DMD: variants seen among roughly 807,000 people sequenced by gnomAD.
The protein encoded by DMD is mutant dystrophin.
Under a neutral mutation model 330.1 loss-of-function variants are expected in DMD, and 63 were observed. The observed-to-expected ratio is 0.19, with a 90% CI of 0.16 to 0.24. DMD has a LOEUF of 0.24. Among genes scored for constraint, DMD ranks in the 10% least tolerant of loss-of-function variants. The pLI, the probability that DMD is intolerant of heterozygous loss-of-function variation, is 1.00. For missense variants in DMD, 3,344 were observed against 2,684.1 expected (o/e 1.25, Z -5.43); for synonymous variants, 1,223 against 959.8 (o/e 1.27, Z -5.07).
At chrX:32,968,080 G>A (rs2092235264) in intron 2 of DMD, among the ~76,000 whole-genome samples, 1 of 111,778 alleles carries the variant, frequency 8.9e-6, no homozygotes, top group Non-Finnish European at 1.9e-5. Context: ...TTTTAGGCAT[G>A]GAGTATAGTC....
At chrX:32,386,193 G>T in intron 33 of DMD, 117 bp downstream of exon 33, 1 of 705,145 alleles carries the variant, frequency 1.4e-6, no homozygotes, top group Non-Finnish European at 2.2e-6. Flanking sequence ...CATATACATA[G>T]AGAGAGAGAG....
chrX:31,547,815 T>C (rs1003225331), intron 55 of DMD, among the ~76,000 whole-genome samples: 2 of 112,198 alleles, frequency 1.8e-5, no homozygotes, highest in South Asian at 3.7e-4. Context: ...AATGAAACCA[T>C]ACTCAAAAGT....
At chrX:33,062,126 G>A (rs1378847933) in intron 1 of DMD, among the ~76,000 whole-genome samples, 1 of 111,967 alleles carries the variant, frequency 8.9e-6, no homozygotes, top group Non-Finnish European at 1.9e-5. Flanking sequence ...CACATTTTCA[G>A]TATTGAATAA....
chrX:31,414,381 A>AT (rs1376386929), intron 60 of DMD, among the ~76,000 whole-genome samples: 1 of 112,228 alleles, frequency 8.9e-6, no homozygotes, highest in Non-Finnish European at 1.9e-5. Flanking sequence ...CTCGAAACAT[A>AT]TGGGGGGAAA....
At chrX:33,304,732 C>G (rs1467173774) in intron 1 of DMD, among the ~76,000 whole-genome samples, 1 of 100,516 alleles carries the variant, frequency 9.9e-6, no homozygotes, top group South Asian at 5.0e-4. Flanking sequence ...AAAAAACAAA[C>G]AACCCCATCA....
rs139308663 is a variant in DMD at position 31,177,498 on chromosome X, C to G, written c.10262+434G>C. ...AATTCTGCTGATTTTTAATAGTCCA[C>G]TTATAACAGACCCTAAAGATTCTAA... On this transcript the variant is annotated intron_variant, in intron 71 of 78. Coordinates refer to ENST00000357033, the MANE Select transcript of DMD (RefSeq NM_004006.3). Among the ~76,000 whole-genome samples the G allele has an allele frequency of 8.8e-4, 98 of 111,761 alleles. 1 individual carries two copies. The East Asian group carries it at 0.024, about 27-fold the overall frequency.
chrX:33,107,093 C>A (rs1443639223), intron 1 of DMD, among the ~76,000 whole-genome samples: 1 of 111,804 alleles, frequency 8.9e-6, no homozygotes, highest in Non-Finnish European at 1.9e-5. Flanking sequence ...GGGCGGATCA[C>A]CTGAGGTCAG....
At chrX:31,230,170 C>T (rs968767854) in intron 63 of DMD, among the ~76,000 whole-genome samples, 5 of 112,002 alleles carry the variant, frequency 4.5e-5, no homozygotes, top group Admixed American at 9.5e-5. Context: ...TCATCATCAA[C>T]ATAGAGCTTT....
chrX:32,382,474 A>T (rs1434235208), intron 33 of DMD, among the ~76,000 whole-genome samples: 1 of 111,796 alleles, frequency 8.9e-6, no homozygotes, highest in African/African-American at 3.2e-5. Flanking sequence ...GCTACAATCG[A>T]AATAAATATT....
At chrX:32,673,037 G>A (rs2061727920) in intron 9 of DMD, among the ~76,000 whole-genome samples, 1 of 111,455 alleles carries the variant, frequency 9.0e-6, no homozygotes, top group South Asian at 3.7e-4. Context: ...CTGTATGTGT[G>A]TGTATGTGTA....
At chrX:32,894,204 C>T (rs894234898) in intron 2 of DMD, among the ~76,000 whole-genome samples, 2 of 111,999 alleles carry the variant, frequency 1.8e-5, no homozygotes, top group African/African-American at 3.2e-5. Flanking sequence ...CCCAAATAAA[C>T]GCGTTTGTTC....
chrX:32,599,064 G>A (rs968800141), intron 12 of DMD, among the ~76,000 whole-genome samples: 1 of 111,533 alleles, frequency 9.0e-6, no homozygotes, highest in East Asian at 2.8e-4. Context: ...AGCTAATTAG[G>A]AATTAAACTA....
intron 47 of DMD, among the ~76,000 whole-genome samples, chrX:31,876,301 T>C (rs889203625): frequency 4.5e-5 from 5 of 112,083 alleles, no homozygotes; most frequent in African/African-American, 1.6e-4. Context: ...TATTAAGCAT[T>C]GTGAGGTCTA....
chrX:32,085,583 C>CATATAT (rs1289817043), intron 44 of DMD, among the ~76,000 whole-genome samples: 3 of 81,822 alleles, frequency 3.7e-5, no homozygotes, highest in Admixed American at 1.3e-4. Context: ...TATATATACA[C>CATATAT]ACACACATAT....
rs759142427 is a variant in DMD at position 31,516,390 on chromosome X, A to G, written c.8218-8937T>C. 2.7e-5 allele frequency among the ~76,000 whole-genome samples: 3 copies of G among 110,844 alleles called. No individual in the cohort carries two copies. The East Asian group carries it at 8.5e-4, about 31-fold the overall frequency. On this transcript the variant is annotated intron_variant, in intron 55 of 78. Transcript: ENST00000357033. ...TTGGCCTTATCAGGATTCTAATCTA[A>G]CCACCGGAGGTTCCTAACCAGATCA...
In DMD at chrX:32,388,319, C is replaced by T. The variant is rs1369011538; in HGVS notation, c.4518+1182G>A. On this transcript the variant is annotated intron_variant, in intron 32 of 78. Transcript: ENST00000357033. ...TTGCAAATATTAGTCATGAATAAGGCACTTGGGTCATTTATGCTTTCCTTT... is the reference window on the plus strand; with the variant it reads ...TTGCAAATATTAGTCATGAATAAGGTACTTGGGTCATTTATGCTTTCCTTT... Among the ~76,000 whole-genome samples, 3 of 88,146 alleles carry T rather than the reference C, an allele frequency of 3.4e-5. No individual in the cohort carries two copies. In the Admixed American group the frequency reaches 4.0e-4, roughly 12 times the overall value. 76.5% of individuals were successfully genotyped at this position (88,146 alleles called of 115,157 possible).
At chrX:31,758,489 G>A (rs985943483) in intron 51 of DMD, among the ~76,000 whole-genome samples, 4 of 111,013 alleles carry the variant, frequency 3.6e-5, no homozygotes, top group Admixed American at 9.7e-5. Context: ...AAGAAAATAC[G>A]CTTTTTTGGA....
intron 50 of DMD, among the ~76,000 whole-genome samples, chrX:31,800,106 C>G (rs1261924676): frequency 8.9e-6 from 1 of 112,493 alleles, no homozygotes; most frequent in East Asian, 2.8e-4. Flanking sequence ...TCTGACTATT[C>G]TGGGGTTTGG....
At chrX:31,357,940 C>T (rs752003743) in intron 60 of DMD, among the ~76,000 whole-genome samples, 3 of 111,945 alleles carry the variant, frequency 2.7e-5, no homozygotes, top group Admixed American at 9.5e-5. Flanking sequence ...ATTTACTTCA[C>T]GCTTCTTAGT....
Sources: gnomAD v4.1 joint callset for allele counts (sites outside exome capture counted in the v4.1 genomes callset) on GRCh38, gnomAD v4.1.1 for gene constraint, MANE v1.5 for transcripts, NCBI Gene and HGNC (gene_info 2026-07-23, HGNC 2026-07-21) for gene names.